CDH8: variants seen among roughly 807,000 people sequenced by gnomAD.
CDH8 encodes the protein cadherin-8.
Under a neutral mutation model 68.1 loss-of-function variants are expected in CDH8, and 17 were observed. The ratio of observed to expected loss-of-function variants is 0.25; its 90% confidence interval spans 0.17 to 0.37. The LOEUF is 0.37. CDH8 is among the 10% of genes least tolerant of loss of function. The pLI, the probability that CDH8 is intolerant of heterozygous loss-of-function variation, is 1.00. For missense variants in CDH8, 763 were observed against 999.3 expected (o/e 0.76, Z 3.19); for synonymous variants, 372 against 365.1 (o/e 1.02, Z -0.21).
intron 2 of CDH8, among the ~76,000 whole-genome samples, chr16:61,974,684 C>G (rs1028047111): frequency 2.0e-5 from 3 of 152,136 alleles, no homozygotes; most frequent in African/African-American, 4.8e-5. Context: ...GAAGTATTCT[C>G]TGCATATTTT....
At chr16:61,824,647 A>AT (rs1019801660) in intron 5 of CDH8, among the ~76,000 whole-genome samples, 2 of 151,784 alleles carry the variant, frequency 1.3e-5, no homozygotes, top group Admixed American at 1.3e-4. Flanking sequence ...GGCACTAGAG[A>AT]TTTGATTTCC....
intron 10 of CDH8, among the ~76,000 whole-genome samples, chr16:61,707,344 T>C (rs1964552642): frequency 6.6e-6 from 1 of 152,230 alleles, no homozygotes; most frequent in Non-Finnish European, 1.5e-5. Flanking sequence ...TGGATAAATA[T>C]TATTATACAG....
intron 10 of CDH8, among the ~76,000 whole-genome samples, chr16:61,688,306 C>T (rs767570713): frequency 6.6e-6 from 1 of 151,960 alleles, no homozygotes; most frequent in Non-Finnish European, 1.5e-5. Context: ...GCACATAGCC[C>T]TTGGAAACTT....
chr16:61,681,589 G>A (rs938160686), intron 10 of CDH8, among the ~76,000 whole-genome samples: 3 of 151,124 alleles, frequency 2.0e-5, no homozygotes, highest in African/African-American at 7.3e-5. Context: ...AATGTTCTAA[G>A]ATTACATGGT....
intron 8 of CDH8, among the ~76,000 whole-genome samples, chr16:61,733,484 T>C (rs1438378884): frequency 6.6e-6 from 1 of 151,872 alleles, no homozygotes; most frequent in South Asian, 2.1e-4. Flanking sequence ...TAAAAAAATA[T>C]ATTGTGCTTC....
intron 3 of CDH8, among the ~76,000 whole-genome samples, chr16:61,881,398 TGAAA>T (rs1440511541): frequency 6.6e-6 from 1 of 151,864 alleles, no homozygotes; most frequent in Non-Finnish European, 1.5e-5. Flanking sequence ...AAAATAATAA[TGAAA>T]GAGAGGGTAG....
intron 3 of CDH8, among the ~76,000 whole-genome samples, chr16:61,865,825 C>A (rs1488219095): frequency 6.6e-6 from 1 of 152,162 alleles, no homozygotes; most frequent in Non-Finnish European, 1.5e-5. Context: ...CTAAATAGCA[C>A]CATAAATGCT....
chr16:62,007,510 T>C, intron 2 of CDH8, among the ~76,000 whole-genome samples: 1 of 152,206 alleles, frequency 6.6e-6, no homozygotes, highest in Non-Finnish European at 1.5e-5. Context: ...TCACTCAGAT[T>C]GTTCCGACTT....
chr16:61,690,957 C>G (rs938988718), intron 10 of CDH8, among the ~76,000 whole-genome samples: 6 of 152,006 alleles, frequency 3.9e-5, no homozygotes, highest in Admixed American at 6.6e-5. Context: ...TCTCTCCAGC[C>G]TCACTTTTAG....
chr16:61,800,137 C>A (rs1961587701), intron 7 of CDH8, among the ~76,000 whole-genome samples: 1 of 152,086 alleles, frequency 6.6e-6, no homozygotes, highest in African/African-American at 2.4e-5. Context: ...GGTCTCTCAA[C>A]CTTAAAACTA....
chr16:62,008,941 GCACACA>G (rs10530899), intron 2 of CDH8, among the ~76,000 whole-genome samples: 18 of 147,720 alleles, frequency 1.2e-4, no homozygotes, highest in Admixed American at 2.7e-4. Context: ...AATAGGATGT[GCACACA>G]CACACACACA....
At chr16:61,703,854 C>A (rs971522123) in intron 10 of CDH8, among the ~76,000 whole-genome samples, 3 of 151,916 alleles carry the variant, frequency 2.0e-5, no homozygotes, top group African/African-American at 7.3e-5. Flanking sequence ...AGTTTTCATG[C>A]GTATTACTGA....
intron 7 of CDH8, among the ~76,000 whole-genome samples, chr16:61,798,592 C>T (rs180683202): frequency 2.0e-5 from 3 of 152,114 alleles, no homozygotes; most frequent in African/African-American, 7.2e-5. Flanking sequence ...CAGCACAGGT[C>T]GAAACTGAGG....
rs185609510 is a variant in CDH8 at position 61,890,264 on chromosome 16, G to C, written c.547+10915C>G. ...GATAATTCCAATTAGCAAGCACAGA[G>C]ATATAACAGGAAAAAATTAAAAGGG... On this transcript the variant is annotated intron_variant, in intron 3 of 11. Transcript: ENST00000577390. Among the ~76,000 whole-genome samples, 782 of 152,192 alleles carry C rather than the reference G, an allele frequency of 5.1e-3. 3 individuals are homozygous for C. The highest frequency in any genetic ancestry group is 6.8e-3 in the Non-Finnish European group (463 of 67,992).
chr16:61,964,969 C>G (rs187113721), intron 2 of CDH8, among the ~76,000 whole-genome samples: 110 of 152,274 alleles, frequency 7.2e-4, no homozygotes, highest in African/African-American at 2.5e-3. Flanking sequence ...ACCACAGAAG[C>G]CTTTGAGTTC....
chr16:62,002,162 GA>G (rs1396354009), intron 2 of CDH8, among the ~76,000 whole-genome samples: 1 of 151,872 alleles, frequency 6.6e-6, no homozygotes, highest in African/African-American at 2.4e-5. Context: ...CAACACTTCA[GA>G]AAAACAAGTT....
chr16:62,031,138 T>C (rs1360946639), intron 1 of CDH8, among the ~76,000 whole-genome samples: 2 of 152,230 alleles, frequency 1.3e-5, no homozygotes, highest in Non-Finnish European at 2.9e-5. Context: ...TATAGTTTAA[T>C]AGCATTCTTT....
intron 8 of CDH8, among the ~76,000 whole-genome samples, chr16:61,750,886 C>T (rs1244780328): frequency 1.3e-5 from 2 of 152,048 alleles, no homozygotes; most frequent in Non-Finnish European, 2.9e-5. Context: ...ATTTCTTGCA[C>T]ATAAACCCTC....
intron 7 of CDH8, among the ~76,000 whole-genome samples, chr16:61,801,150 TTTTG>T (rs1424874847): frequency 1.3e-5 from 2 of 152,238 alleles, no homozygotes; most frequent in East Asian, 1.9e-4. Context: ...CACTTTCTTT[TTTTG>T]TTTCTCTCTC....
Sources: gnomAD v4.1 joint callset for allele counts (sites outside exome capture counted in the v4.1 genomes callset) on GRCh38, gnomAD v4.1.1 for gene constraint, MANE v1.5 for transcripts, NCBI Gene and HGNC (gene_info 2026-07-23, HGNC 2026-07-21) for gene names.